The following FBXO40 variants were observed in gnomAD, a reference collection of about 807,000 sequenced individuals.
The protein encoded by FBXO40 is F-box protein 40, also known as F-box only protein 40.
A neutral mutation model predicts 49.9 loss-of-function variants in FBXO40; 50 were observed. The ratio of observed to expected loss-of-function variants is 1.00; its 90% CI spans 0.80 to 1.27. FBXO40 has a LOEUF of 1.27. FBXO40 is among the 50% of genes most tolerant of loss of function. FBXO40 has a pLI of 0.00. For missense variants in FBXO40, 895 were observed against 870.1 expected, an observed-to-expected ratio of 1.03 and a Z score of -0.36; for synonymous variants, 340 against 320.2, an observed-to-expected ratio of 1.06 and a Z score of -0.66.
chr3:121,607,588 C>G (rs1391212167), intron 1 of FBXO40, among the ~76,000 whole-genome samples: 1 of 152,032 alleles, frequency 6.6e-6, no homozygotes, highest in Non-Finnish European at 1.5e-5. Flanking sequence ...GGATTACAGG[C>G]GTGAGCCACC....
At chr3:121,616,627 G>A (rs2048998882) in intron 1 of FBXO40, among the ~76,000 whole-genome samples, 1 of 152,198 alleles carries the variant, frequency 6.6e-6, no homozygotes, top group African/African-American at 2.4e-5. Flanking sequence ...GAACAATAGT[G>A]TTTAAGACTC....
rs2049023836 is a variant in FBXO40, at chr3:121,620,383, CCTTCAAG to C, written c.-30-158_-30-152del. On this transcript the variant is annotated intron_variant, in intron 1 of 3. Transcript: ENST00000338040. The stretch of plus-strand genomic sequence containing the variant: ...TGTGTGACCTTGGACAAGTTACTTA[CCTTCAAG>C]CTTCTGTTTCCTTGACTCAAACATG... Among the ~76,000 whole-genome samples the C allele has an allele frequency of 2.0e-5, 3 of 152,198 alleles. No homozygotes were observed. The South Asian group carries it at 6.2e-4, about 32-fold the overall frequency.
chr3:121,615,341 G>C (rs1049071259), intron 1 of FBXO40, among the ~76,000 whole-genome samples: 1 of 151,972 alleles, frequency 6.6e-6, no homozygotes, highest in Non-Finnish European at 1.5e-5. Context: ...CAGATTCCTT[G>C]AGGTCAGGAG....
intron 1 of FBXO40, among the ~76,000 whole-genome samples, chr3:121,615,460 T>C (rs1380391153): frequency 2.1e-5 from 3 of 143,416 alleles, no homozygotes; most frequent in Admixed American, 7.1e-5. Context: ...GAGGTTGAGG[T>C]GGGAGAATCA....
In FBXO40 at chr3:121,599,427, C is replaced by T. The variant is rs547207865; in HGVS notation, c.-31+5925C>T. 3.4e-5 allele frequency among the ~76,000 whole-genome samples: 5 copies of T among 148,058 alleles called. No individual in the cohort carries two copies. The South Asian group carries it at 1.1e-3, about 32-fold the overall frequency. ...AGGTTGCAGTAAGCCAAGATCGTGC[C>T]ACTGCACTCCAGCCTGGGCAACAGG... On this transcript the variant is annotated intron_variant, in intron 1 of 3. Transcript: ENST00000338040.
chr3:121,618,050 T>C (rs1199633231), intron 1 of FBXO40, among the ~76,000 whole-genome samples: 1 of 152,098 alleles, frequency 6.6e-6, no homozygotes, highest in Non-Finnish European at 1.5e-5. Context: ...AGAAAAGTGT[T>C]TGAGGTGATG....
intron 1 of FBXO40, among the ~76,000 whole-genome samples, chr3:121,593,803 G>T (rs2048855764): frequency 6.6e-6 from 1 of 152,052 alleles, no homozygotes; most frequent in Non-Finnish European, 1.5e-5. Context: ...TGGGTGGGGG[G>T]ATCTGGGGAA....
intron 2 of FBXO40, 81 bp downstream of exon 2, chr3:121,620,659 G>A: frequency 6.4e-7 from 1 of 1,551,780 alleles, no homozygotes; most frequent in Non-Finnish European, 8.9e-7. Flanking sequence ...CAAGCAGCTA[G>A]CAGACTTGCT....
Position 121,627,033 on chromosome 3 carries a change from T to C in FBXO40, c.*123T>C. 1.2e-6 allele frequency: 1 copy of C among 836,064 alleles called. No individual in the cohort carries two copies. The highest frequency in any genetic ancestry group is 1.9e-6 in the Non-Finnish European group (1 of 524,580). The allele number at this position is 836,064 out of a possible 1,614,324, so 51.8% of individuals were successfully genotyped here. ...TGCCTATTTGCTTATCGGGGTGTAT[T>C]GGAACACGCAATGTCCTTCGAAACC... On this transcript the variant is annotated 3_prime_UTR_variant, in exon 4 of 4. Transcript: ENST00000338040.
At chr3:121,625,766 G>T (rs1247726281) in intron 3 of FBXO40, among the ~76,000 whole-genome samples, 2 of 152,146 alleles carry the variant, frequency 1.3e-5, no homozygotes, top group Admixed American at 1.3e-4. Flanking sequence ...GGGGCTAAAG[G>T]ATACTCACAT....
Position 121,622,434 on chromosome 3 carries a change from T to G in FBXO40, c.1005T>G (p.Val335=). ...PACTPKERDF[V]YGKLEAQEVK... Reference sequence around the variant, plus strand: ...GTACACCCAAGGAGAGAGACTTTGTTTATGGCAAGCTGGAGGCTCAGGAAG... The same window carrying G: ...GTACACCCAAGGAGAGAGACTTTGTGTATGGCAAGCTGGAGGCTCAGGAAG... Residue 335 remains valine (V), a synonymous_variant, in exon 3 of 4, where the codon GTT becomes GTG. Coordinates refer to ENST00000338040, the MANE Select transcript of FBXO40 (RefSeq NM_016298.4). The G allele has an allele frequency of 6.2e-7, 1 of 1,614,176 alleles. No individual in the cohort carries two copies. Among genetic ancestry groups the G allele is most frequent in the Non-Finnish European group, 8.5e-7 (1 of 1,180,034 alleles).
In FBXO40 at chr3:121,621,479, G is replaced by A. The variant is rs755812603; in HGVS notation, c.50G>A (p.Gly17Glu). The change falls in exon 3 of 4, where the codon GGA (glycine) becomes GAA (glutamate). Residue 17 changes from glycine (G) to glutamate (E), a missense_variant. By Grantham distance (98) the Gly-to-Glu change is moderately conservative (BLOSUM62 -2). Coordinates refer to ENST00000338040, the MANE Select transcript of FBXO40 (RefSeq NM_016298.4). The stretch of plus-strand genomic sequence containing the variant: ...CCAGGGCACCACAGGCATTGTGAGG[G>A]ATGCTTCAACCGCCACTGCCACATT... ...SPPGHHRHCE[G>E]CFNRHCHIPV... The A allele has an allele frequency of 1.2e-6, 2 of 1,614,196 alleles. No individual in the cohort carries two copies. Among genetic ancestry groups the A allele is most frequent in the Non-Finnish European group, 1.7e-6 (2 of 1,180,036 alleles).
intron 1 of FBXO40, among the ~76,000 whole-genome samples, chr3:121,595,233 T>C (rs1012097699): frequency 2.1e-4 from 32 of 152,244 alleles, no homozygotes; most frequent in African/African-American, 7.5e-4. Flanking sequence ...TATGCCTGTT[T>C]CCTGGGCACA....
chr3:121,625,929 C>T (rs565110280), intron 3 of FBXO40, among the ~76,000 whole-genome samples: 39 of 152,274 alleles, frequency 2.6e-4, no homozygotes, highest in African/African-American at 8.2e-4. Context: ...GACTTGAAAA[C>T]GGTGACTTTG....
At position 121,621,576 on chromosome 3, in the gene FBXO40, C is replaced by T; in HGVS notation, c.147C>T (p.Cys49=). ...HLLCGATFHM[C]KEAEHQLLCP... ...TCTGTGGTGCCACCTTCCACATGTG[C>T]AAAGAGGCAGAGCACCAGCTCCTCT... Residue 49 remains cysteine, a synonymous_variant, in exon 3 of 4, where the codon TGC becomes TGT. Coordinates refer to ENST00000338040, the MANE Select transcript of FBXO40 (RefSeq NM_016298.4). The T allele has an allele frequency of 6.2e-7, 1 of 1,614,234 alleles. No individual in the cohort carries two copies. The highest frequency in any genetic ancestry group is 8.5e-7 in the Non-Finnish European group (1 of 1,180,036).
chr3:121,623,107 A>C lies in FBXO40; in HGVS notation c.1678A>C (p.Asn560His). Residue 560 changes from asparagine to histidine, a missense_variant, in exon 3 of 4, where the codon AAC (asparagine) becomes CAC (histidine). Transcript: ENST00000338040. ...APELSEGRKN[N>H]HLLGHGGKSQ... ...AGAGCTGAGCGAGGGAAGGAAGAAC[A>C]ACCATCTTTTGGGTCATGGAGGAAA... 6.2e-7 allele frequency: 1 copy of C among 1,614,250 alleles called. No individual in the cohort carries two copies. Among genetic ancestry groups the C allele is most frequent in the African/African-American group, 1.3e-5 (1 of 75,066 alleles).
chr3:121,620,934 T>A (rs1300948007), intron 2 of FBXO40, among the ~76,000 whole-genome samples: 3 of 152,172 alleles, frequency 2.0e-5, no homozygotes, highest in African/African-American at 7.2e-5. Flanking sequence ...AAACCAGACA[T>A]GGCTGCTGTC....
chr3:121,600,638 T>A (rs1003001479), intron 1 of FBXO40, among the ~76,000 whole-genome samples: 1 of 152,160 alleles, frequency 6.6e-6, no homozygotes, highest in African/African-American at 2.4e-5. Context: ...AACACCTGTG[T>A]CTCCATGGGC....
At chr3:121,625,926 A>G (rs2049059511) in intron 3 of FBXO40, among the ~76,000 whole-genome samples, 1 of 152,242 alleles carries the variant, frequency 6.6e-6, no homozygotes, top group South Asian at 2.1e-4. Context: ...CCAGACTTGA[A>G]AACGGTGACT....
Sources: allele counts gnomAD v4.1 joint callset (sites outside exome capture counted in the v4.1 genomes callset), GRCh38; gene constraint gnomAD v4.1.1; transcripts MANE v1.5; gene names NCBI Gene and HGNC (gene_info 2026-07-23, HGNC 2026-07-21).